The following HNF4G variants were observed in gnomAD, a reference collection of about 807,000 sequenced individuals.
HNF4G encodes hepatocyte nuclear factor 4-gamma.
Under a neutral mutation model 50.9 loss-of-function variants are expected in HNF4G, and 21 were observed. The ratio of observed to expected loss-of-function variants is 0.41; its 90% CI spans 0.29 to 0.59. The LOEUF is 0.59. HNF4G is among the 20% of genes least tolerant of loss of function. The pLI, the probability that HNF4G is intolerant of heterozygous loss-of-function variation, is 0.26. For synonymous variants in HNF4G, 198 were observed against 185.6 expected (o/e 1.07, Z -0.54); for missense variants, 527 against 559.4 (o/e 0.94, Z 0.58).
chr8:75,478,628 A>G (rs1412935994), intron 1 of HNF4G, among the ~76,000 whole-genome samples: 1 of 152,242 alleles, frequency 6.6e-6, no homozygotes, highest in African/African-American at 2.4e-5. Context: ...TGGCTTTGTC[A>G]AGCGGTATGT....
intron 1 of HNF4G, among the ~76,000 whole-genome samples, chr8:75,480,645 C>T (rs1256073732): frequency 6.6e-6 from 1 of 151,838 alleles, no homozygotes; most frequent in Non-Finnish European, 1.5e-5. Flanking sequence ...GAAGTAAGGA[C>T]TCTTCATTTT....
intron 1 of HNF4G, among the ~76,000 whole-genome samples, chr8:75,441,961 A>T (rs1194279033): frequency 2.0e-5 from 3 of 152,226 alleles, no homozygotes; most frequent in Non-Finnish European, 2.9e-5. Flanking sequence ...GTGATGATTT[A>T]CTATAAAGTA....
intron 1 of HNF4G, among the ~76,000 whole-genome samples, chr8:75,488,227 T>A (rs1812538153): frequency 6.6e-6 from 1 of 152,186 alleles, no homozygotes; most frequent in Non-Finnish European, 1.5e-5. Context: ...TCACTGTTGT[T>A]AAATGTAATT....
At chr8:75,407,660 C>T (rs1044064974), upstream of HNF4G, among the ~76,000 whole-genome samples, 6 of 152,210 alleles carry the variant, frequency 3.9e-5, no homozygotes, top group African/African-American at 1.2e-4. Context: ...AGAGTCAGGC[C>T]GCTGCCCTGT....
rs1278407726 is a variant in HNF4G, at chr8:75,457,795, GTAAGACA to G, written c.-143-32292_-143-32286del. 2.0e-5 allele frequency among the ~76,000 whole-genome samples: 3 copies of G among 152,154 alleles called. No individual in the cohort carries two copies. In the East Asian group the frequency reaches 5.8e-4, roughly 29 times the overall value. Reference sequence around the variant, plus strand: ...TTTCTCATAAGAGCATTGCCATAGAGTAAGACATTTACTGTAGACAGGGATGCAGGAA... The same window carrying G: ...TTTCTCATAAGAGCATTGCCATAGAGTTTACTGTAGACAGGGATGCAGGAA... On this transcript the variant is annotated intron_variant, in intron 1 of 10. Coordinates refer to the HNF4G transcript ENST00000354370.
At chr8:75,524,005 G>T (rs1028351318) in intron 2 of HNF4G, among the ~76,000 whole-genome samples, 1 of 130,968 alleles carries the variant, frequency 7.6e-6, no homozygotes, top group East Asian at 2.1e-4. Context: ...TCTCAAGGAA[G>T]TATGAGTATA....
rs1256882979 is a variant in HNF4G, at chr8:75,558,604, T to C, written c.820T>C (p.Phe274Leu). Reference sequence around the variant, plus strand: ...TGTTCTAGATGAGCTGGTTAGACCATTTCAAGAAATCCAGATTGATGACAA... The same window carrying C: ...TGTTCTAGATGAGCTGGTTAGACCACTTCAAGAAATCCAGATTGATGACAA... ...NRVLDELVRP[F>L]QEIQIDDNEY... The change falls in exon 7 of 10, where the codon TTT becomes CTT. Residue 274 changes from phenylalanine (F) to leucine (L), a missense_variant. Coordinates refer to ENST00000396423, the MANE Select transcript of HNF4G (RefSeq NM_004133.5). The C allele has an allele frequency of 6.2e-7, 1 of 1,614,014 alleles. No homozygotes were observed. The highest frequency in any genetic ancestry group is 8.5e-7 in the Non-Finnish European group (1 of 1,179,882).
At chr8:75,415,321 A>C (rs981968964) in intron 1 of HNF4G, among the ~76,000 whole-genome samples, 2 of 152,050 alleles carry the variant, frequency 1.3e-5, no homozygotes, top group Non-Finnish European at 2.9e-5. Flanking sequence ...TCCCCACATG[A>C]ATTTATTCTT....
chr8:75,488,546 G>A (rs1006153486), intron 1 of HNF4G, among the ~76,000 whole-genome samples: 4 of 152,096 alleles, frequency 2.6e-5, no homozygotes, highest in Admixed American at 6.5e-5. Context: ...CCAAAGTGCT[G>A]GGATTACAGG....
chr8:75,506,771 C>T (rs1015686947), intron 2 of HNF4G, among the ~76,000 whole-genome samples: 14 of 152,018 alleles, frequency 9.2e-5, no homozygotes, highest in Non-Finnish European at 1.5e-4. Flanking sequence ...GATTATTTTC[C>T]GCTTCCAGAC....
chr8:75,478,506 C>A (rs1214826969), intron 1 of HNF4G, among the ~76,000 whole-genome samples: 1 of 152,036 alleles, frequency 6.6e-6, no homozygotes, highest in African/African-American at 2.4e-5. Context: ...AGCACAGGAT[C>A]TTGAGTCCAC....
chr8:75,540,112 A>G lies in HNF4G; in HGVS notation c.118+32A>G, dbSNP rs200123128. 3.6e-5 allele frequency: 44 copies of G among 1,226,790 alleles called. No homozygotes were observed. The Middle Eastern group carries it at 7.6e-4, about 21-fold the overall frequency. The allele number at this position is 1,226,790 out of a possible 1,614,324, so 76.0% of individuals were successfully genotyped here. ...TATCATCTGTTTATAGATGTAAAGA[A>G]AAGTAAGTATAATTGGAGAAGGTGG... On this transcript the variant is annotated intron_variant, in intron 1 of 9. Transcript: ENST00000396423.
At chr8:75,560,557 A>G (rs746947424) in intron 9 of HNF4G, 91 bp downstream of exon 9, 1 of 1,312,852 alleles carries the variant, frequency 7.6e-7, no homozygotes, top group Non-Finnish European at 1.0e-6. Flanking sequence ...GTAACCAGAA[A>G]TGGCAAAAAC....
chr8:75,480,654 T>C (rs1812353623), intron 1 of HNF4G, among the ~76,000 whole-genome samples: 1 of 152,152 alleles, frequency 6.6e-6, no homozygotes, highest in South Asian at 2.1e-4. Flanking sequence ...ACTCTTCATT[T>C]TCAATCCTAA....
intron 1 of HNF4G, among the ~76,000 whole-genome samples, chr8:75,489,469 G>C (rs1177629439): frequency 6.6e-6 from 1 of 152,140 alleles, no homozygotes; most frequent in Non-Finnish European, 1.5e-5. Context: ...TGGTGTTGAA[G>C]AGCCAACCTT....
At chr8:75,507,261 CTTT>C (rs34235931) in intron 2 of HNF4G, among the ~76,000 whole-genome samples, 10 of 136,826 alleles carry the variant, frequency 7.3e-5, no homozygotes, top group Non-Finnish European at 9.5e-5. Flanking sequence ...TTTTAAAATT[CTTT>C]TTTTTTTTTT....
chr8:75,526,420 A>C (rs1399229491), intron 2 of HNF4G, among the ~76,000 whole-genome samples: 1 of 152,164 alleles, frequency 6.6e-6, no homozygotes, highest in East Asian at 1.9e-4. Context: ...ATGTTTGAGT[A>C]ACTCAGTGCG....
chr8:75,418,082 A>G (rs1365754256), intron 1 of HNF4G, among the ~76,000 whole-genome samples: 1 of 152,110 alleles, frequency 6.6e-6, no homozygotes, highest in Non-Finnish European at 1.5e-5. Flanking sequence ...ATCTTTTCAC[A>G]GTTCTGGAGG....
rs570131407 is a variant in HNF4G at position 75,455,596 on chromosome 8, T to A, written c.-143-34493T>A. ...AAAGCAAAATGAAATGTGTGAGTAA[T>A]TAAGAAAATGTTCTTCTGCTAATAT... On this transcript the variant is annotated intron_variant, in intron 1 of 10. Transcript: ENST00000354370. 3.9e-5 allele frequency among the ~76,000 whole-genome samples: 6 copies of A among 152,306 alleles called. No homozygotes were observed. The East Asian group carries it at 7.7e-4, about 20-fold the overall frequency.
Sources: gnomAD v4.1 joint callset for allele counts (sites outside exome capture counted in the v4.1 genomes callset) on GRCh38, gnomAD v4.1.1 for gene constraint, MANE v1.5 for transcripts, NCBI Gene and HGNC (gene_info 2026-07-23, HGNC 2026-07-21) for gene names.